PAN3: variants seen among roughly 807,000 people sequenced by gnomAD.
PAN3 encodes PAN2-PAN3 deadenylation complex subunit PAN3.
A neutral mutation model predicts 96.2 loss-of-function variants in PAN3; 19 were observed. The ratio of observed to expected loss-of-function variants is 0.20; its 90% CI spans 0.14 to 0.29. PAN3 has a LOEUF of 0.29. PAN3 is among the 10% of genes least tolerant of loss of function. The pLI is 1.00. For synonymous variants in PAN3, 433 were observed against 406.6 expected (o/e 1.06, Z -0.78); for missense variants, 882 against 1,108.1 (o/e 0.80, Z 2.90).
intron 17 of PAN3, among the ~76,000 whole-genome samples, chr13:28,285,225 T>G (rs1868833434): frequency 6.6e-6 from 1 of 152,194 alleles, no homozygotes; most frequent in Non-Finnish European, 1.5e-5. Flanking sequence ...TCTTTGAGTT[T>G]CCCAGGTGTT....
At position 28,281,332 on chromosome 13, in the gene PAN3, A is replaced by G. The variant is rs1887452834; in HGVS notation, c.2337A>G (p.Arg779=). The change falls in exon 17 of 19, where the codon AGA becomes AGG. Residue 779 remains arginine, a synonymous_variant. Coordinates refer to ENST00000380958, the MANE Select transcript of PAN3 (RefSeq NM_175854.8). ...TTTTATAGGAGGTTCAAAATGGAAG[A>G]CTGTTTAGGCTCCTAGCAAAATTGG... ...EDLAKEVQNG[R]LFRLLAKLGT... 6.2e-7 allele frequency: 1 copy of G among 1,611,388 alleles called. No homozygotes were observed. Among genetic ancestry groups the G allele is most frequent in the African/African-American group, 1.3e-5 (1 of 74,874 alleles).
intron 4 of PAN3, among the ~76,000 whole-genome samples, chr13:28,180,978 A>T (rs920789211): frequency 1.3e-5 from 2 of 152,190 alleles, no homozygotes; most frequent in Non-Finnish European, 2.9e-5. Context: ...GGTAGCAAAG[A>T]ATTCTCTAGA....
intron 17 of PAN3, among the ~76,000 whole-genome samples, chr13:28,284,095 G>A (rs1868653051): frequency 2.0e-5 from 3 of 152,180 alleles, no homozygotes; most frequent in Admixed American, 6.5e-5. Flanking sequence ...TAATTTCATA[G>A]CTATTGGAGA....
intron 6 of PAN3, among the ~76,000 whole-genome samples, chr13:28,234,509 GATTA>G (rs1882898286): frequency 1.3e-5 from 2 of 152,238 alleles, no homozygotes; most frequent in Non-Finnish European, 2.9e-5. Context: ...GTTTTAAACT[GATTA>G]ATTCATTTTC....
At chr13:28,264,925 C>T (rs893338025) in intron 9 of PAN3, among the ~76,000 whole-genome samples, 2 of 152,190 alleles carry the variant, frequency 1.3e-5, no homozygotes, top group East Asian at 1.9e-4. Context: ...TCTTAAATGG[C>T]GACTTTACCT....
intron 15 of PAN3, among the ~76,000 whole-genome samples, chr13:28,278,352 T>C (rs149978865): frequency 7.2e-5 from 11 of 152,310 alleles, no homozygotes; most frequent in African/African-American, 2.6e-4. Flanking sequence ...AAATACTTGT[T>C]TTATATATGA....
chr13:28,289,069 A>G lies in PAN3; in HGVS notation c.2523+947A>G, dbSNP rs45575839. ...TCTCGATCTCCTGACCTCGTGATCC[A>G]CCCGCCTCAGCCTCCCAAAGTGCTG... is the stretch of plus-strand genomic sequence containing the variant. On this transcript the variant is annotated intron_variant, in intron 18 of 18. Coordinates refer to ENST00000380958, the MANE Select transcript of PAN3 (RefSeq NM_175854.8). Among the ~76,000 whole-genome samples the G allele has an allele frequency of 6.1e-3, 918 of 150,690 alleles. 14 individuals carry two copies. The highest frequency in any genetic ancestry group is 0.022 in the African/African-American group (882 of 40,974).
At chr13:28,214,846 G>C in intron 5 of PAN3, 1 of 711,732 alleles carries the variant, frequency 1.4e-6, no homozygotes, top group Non-Finnish European at 2.6e-6. Context: ...CAGGCTGACT[G>C]TGCTGTACTG....
chr13:28,272,078 A>G lies in PAN3; in HGVS notation c.2049+7A>G, dbSNP rs747708697. ...ATTAATGGCCCAGTACCAGGTGAGT[A>G]AGAATTAACATGGATATTTACTTGT... On this transcript the variant is annotated splice_region_variant and intron_variant, in intron 14 of 18. Transcript: ENST00000380958. 1 of 1,493,584 alleles carries G rather than the reference A, an allele frequency of 6.7e-7. No individual in the cohort carries two copies. Among genetic ancestry groups the G allele is most frequent in the Admixed American group, 1.9e-5 (1 of 52,806 alleles). The allele number at this position is 1,493,584 out of a possible 1,614,324, so 92.5% of individuals were successfully genotyped here.
intron 6 of PAN3, among the ~76,000 whole-genome samples, chr13:28,251,954 C>A (rs909501547): frequency 6.7e-6 from 1 of 150,212 alleles, no homozygotes; most frequent in Non-Finnish European, 1.5e-5. Context: ...ATGGTGTGAT[C>A]TCGGCTCACG....
intron 4 of PAN3, among the ~76,000 whole-genome samples, chr13:28,194,545 A>C (rs796203691): frequency 6.9e-6 from 1 of 145,402 alleles, no homozygotes; most frequent in South Asian, 2.2e-4. Flanking sequence ...ATCTCGGCTC[A>C]ATGCAACCTC....
At chr13:28,266,254 T>C (rs558256954) in intron 9 of PAN3, among the ~76,000 whole-genome samples, 7 of 152,322 alleles carry the variant, frequency 4.6e-5, no homozygotes, top group African/African-American at 1.7e-4. Flanking sequence ...ACTTAAAATA[T>C]CATGAGCATT....
chr13:28,148,182 C>T (rs908121378), intron 1 of PAN3, among the ~76,000 whole-genome samples: 7 of 151,986 alleles, frequency 4.6e-5, no homozygotes, highest in Non-Finnish European at 1.0e-4. Flanking sequence ...TCTCTAACTC[C>T]TGGGCTCAAG....
At chr13:28,153,099 T>C (rs1028298923) in intron 1 of PAN3, among the ~76,000 whole-genome samples, 4 of 152,084 alleles carry the variant, frequency 2.6e-5, no homozygotes, top group African/African-American at 9.7e-5. Context: ...ATAGTGAAAT[T>C]CCCGTTAGTA....
At chr13:28,265,687 G>A (rs1341498879) in intron 9 of PAN3, among the ~76,000 whole-genome samples, 1 of 150,846 alleles carries the variant, frequency 6.6e-6, no homozygotes, top group Non-Finnish European at 1.5e-5. Context: ...CTTACCAGAG[G>A]TCAAAAATTA....
chr13:28,245,487 C>T lies in PAN3; in HGVS notation c.1001-10805C>T, dbSNP rs563213352. Among the ~76,000 whole-genome samples, 11 of 152,004 alleles carry T rather than the reference C, an allele frequency of 7.2e-5. No homozygotes were observed. The East Asian group carries it at 2.1e-3, about 29-fold the overall frequency. On this transcript the variant is annotated intron_variant, in intron 6 of 18. Transcript: ENST00000380958. ...TCCCTTTTGATTCCTCTTCCCTACC[C>T]CCAAGCAGTGATTTGAATATTAATT... is the stretch of plus-strand genomic sequence containing the variant.
At chr13:28,210,723 G>C (rs918156758) in intron 5 of PAN3, among the ~76,000 whole-genome samples, 2 of 151,954 alleles carry the variant, frequency 1.3e-5, no homozygotes, top group Non-Finnish European at 2.9e-5. Flanking sequence ...CTTGAAATAA[G>C]TGGAAATAAC....
In PAN3 at chr13:28,288,202, A is replaced by G. The variant is rs566663245; in HGVS notation, c.2523+80A>G. 3.0e-5 allele frequency: 38 copies of G among 1,282,306 alleles called. No homozygotes were observed. In the South Asian group the frequency reaches 5.2e-4, roughly 18 times the overall value. The allele number at this position is 1,282,306 out of a possible 1,614,324, so 79.4% of individuals were successfully genotyped here. Reference sequence around the variant, plus strand: ...GTTGTATCTTCTACAAATACTAGGAAACTTAAGAAATCAGGATGTACTCTT... The same window carrying G: ...GTTGTATCTTCTACAAATACTAGGAGACTTAAGAAATCAGGATGTACTCTT... On this transcript the variant is annotated intron_variant, in intron 18 of 18. Coordinates refer to ENST00000380958, the MANE Select transcript of PAN3 (RefSeq NM_175854.8).
chr13:28,149,005 T>C (rs1236303865), intron 1 of PAN3, among the ~76,000 whole-genome samples: 7 of 152,150 alleles, frequency 4.6e-5, no homozygotes, highest in African/African-American at 9.7e-5. Context: ...TTATGTGATA[T>C]ATACTTAAGG....
Sources: allele counts gnomAD v4.1 joint callset (sites outside exome capture counted in the v4.1 genomes callset), GRCh38; gene constraint gnomAD v4.1.1; transcripts MANE v1.5; gene names NCBI Gene and HGNC (gene_info 2026-07-23, HGNC 2026-07-21).